PCGF5: variants seen among roughly 807,000 people sequenced by gnomAD.
PCGF5 encodes polycomb group RING finger protein 5.
In PCGF5, 9 loss-of-function variants were observed where a neutral mutation model predicts 44.3. The observed-to-expected ratio is 0.20, with a 90% confidence interval of 0.12 to 0.35. The LOEUF is 0.35. PCGF5 is among the 10% of genes least tolerant of loss of function. The pLI, the probability that PCGF5 is intolerant of heterozygous loss-of-function variation, is 1.00. For synonymous variants in PCGF5, 95 were observed against 102.5 expected (o/e 0.93, Z 0.44); for missense variants, 146 against 305.3 (o/e 0.48, Z 3.89).
rs1022709226 is a variant in PCGF5, at chr10:91,279,067, G to A, written c.*751G>A. On this transcript the variant is annotated 3_prime_UTR_variant, in exon 10 of 10. Coordinates refer to ENST00000336126, the MANE Select transcript of PCGF5 (RefSeq NM_032373.5). ...CTGATCACATTTACTTCTGATAAAA[G>A]TAATGTGTAAGTAAGGTTAATCTTC... 7.9e-5 allele frequency: 12 copies of A among 152,484 alleles called. No homozygotes were observed. Among genetic ancestry groups the A allele is most frequent in the South Asian group, 4.1e-4 (2 of 4,832 alleles). 9.4% of individuals were successfully genotyped at this position (152,484 alleles called of 1,614,324 possible).
chr10:91,250,626 G>A (rs2450444), intron 5 of PCGF5, among the ~76,000 whole-genome samples: 62,189 of 150,844 alleles, frequency 0.41, 14,668 homozygotes, highest in African/African-American at 0.64. Context: ...CATATAGTTA[G>A]AACTACTCAA....
chr10:91,237,208 G>T (rs1050058287), intron 2 of PCGF5, among the ~76,000 whole-genome samples: 9 of 152,124 alleles, frequency 5.9e-5, no homozygotes, highest in Admixed American at 2.6e-4. Flanking sequence ...AATATATGTT[G>T]ATTAGGACAT....
At chr10:91,165,425 C>T (rs1843481944) in intron 1 of PCGF5, among the ~76,000 whole-genome samples, 1 of 152,174 alleles carries the variant, frequency 6.6e-6, no homozygotes, top group East Asian at 1.9e-4. Flanking sequence ...TATCTTCCCT[C>T]CCCACTGCCT....
At chr10:91,236,255 G>A (rs947109281) in intron 2 of PCGF5, among the ~76,000 whole-genome samples, 2 of 152,174 alleles carry the variant, frequency 1.3e-5, no homozygotes, top group African/African-American at 4.8e-5. Flanking sequence ...GCTGTGAGCA[G>A]CCTAGTCAGG....
chr10:91,248,849 AT>A, intron 5 of PCGF5, 125 bp downstream of exon 5: 1 of 778,738 alleles, frequency 1.3e-6, no homozygotes, highest in Non-Finnish European at 2.1e-6. Context: ...GCACCCTTTT[AT>A]TTACATTACG....
At chr10:91,226,406 G>A (rs1418161079) in intron 2 of PCGF5, among the ~76,000 whole-genome samples, 1 of 151,660 alleles carries the variant, frequency 6.6e-6, no homozygotes, top group African/African-American at 2.4e-5. Context: ...GAAGAAACTC[G>A]TGTTTTGTGA....
Position 91,251,288 on chromosome 10 carries a change from A to G in PCGF5, c.326-4A>G, listed in dbSNP as rs1021120672. On this transcript the variant is annotated splice_polypyrimidine_tract_variant and splice_region_variant and intron_variant, in intron 5 of 9. Transcript: ENST00000336126. ...GCTAACTTAGTTTTGTTTAAATTAT[A>G]CAGATGATACTTCAAAAGCTGACAA... 2.5e-6 allele frequency: 4 copies of G among 1,600,970 alleles called. No homozygotes were observed. In the African/African-American group the frequency reaches 4.0e-5, roughly 16 times the overall value.
chr10:91,234,492 G>C (rs893311285), intron 2 of PCGF5, among the ~76,000 whole-genome samples: 1 of 152,154 alleles, frequency 6.6e-6, no homozygotes, highest in Non-Finnish European at 1.5e-5. Flanking sequence ...ACTATCACTA[G>C]GGTAGAAATG....
intron 8 of PCGF5, among the ~76,000 whole-genome samples, chr10:91,270,691 A>G (rs1033883636): frequency 6.6e-6 from 1 of 152,224 alleles, no homozygotes; most frequent in African/African-American, 2.4e-5. Context: ...GCTTATTTAA[A>G]TCTTTCAAAG....
intron 1 of PCGF5, among the ~76,000 whole-genome samples, chr10:91,199,812 G>C (rs1042421956): frequency 6.6e-5 from 10 of 152,220 alleles, no homozygotes; most frequent in African/African-American, 2.4e-4. Flanking sequence ...ATAAATTTTA[G>C]TGTGGTTTCC....
chr10:91,218,585 T>C (rs1370459091), upstream of PCGF5, among the ~76,000 whole-genome samples: 1 of 152,154 alleles, frequency 6.6e-6, no homozygotes, highest in African/African-American at 2.4e-5. Flanking sequence ...CACAGGAAAG[T>C]TGCCATTTCA....
chr10:91,222,133 A>G (rs1046504892), intron 1 of PCGF5, among the ~76,000 whole-genome samples: 5 of 151,586 alleles, frequency 3.3e-5, no homozygotes, highest in Non-Finnish European at 5.9e-5. Context: ...AAGAGAAGAC[A>G]CTGACATTCG....
At chr10:91,185,661 T>C (rs1224616997) in intron 1 of PCGF5, among the ~76,000 whole-genome samples, 1 of 152,208 alleles carries the variant, frequency 6.6e-6, no homozygotes, top group African/African-American at 2.4e-5. Flanking sequence ...CCTGAGTGGC[T>C]GCTCTGCCAA....
chr10:91,185,053 T>C (rs1843894071), intron 1 of PCGF5, among the ~76,000 whole-genome samples: 1 of 152,232 alleles, frequency 6.6e-6, no homozygotes, highest in Non-Finnish European at 1.5e-5. Flanking sequence ...TGTACTGTGC[T>C]AGGGGTACCC....
At chr10:91,278,205 A>G (rs2133475221) in intron 9 of PCGF5, 64 bp from the exon 10 acceptor site, 2 of 1,320,092 alleles carry the variant, frequency 1.5e-6, no homozygotes, top group Non-Finnish European at 1.1e-6. Flanking sequence ...AAAATCTTTC[A>G]TATATAAACT....
At position 91,248,650 on chromosome 10, in the gene PCGF5, T is replaced by C. The variant is rs770176763; in HGVS notation, c.266-15T>C. On this transcript the variant is annotated splice_polypyrimidine_tract_variant and intron_variant, in intron 4 of 9. Transcript: ENST00000336126. ...TTTCATGACTTTTACTTTTATACTC[T>C]TTCTTTTAAATTAGAAGAACTTGAG... 1 of 1,603,294 alleles carries C rather than the reference T, an allele frequency of 6.2e-7. No individual in the cohort carries two copies. The highest frequency in any genetic ancestry group is 8.5e-7 in the Non-Finnish European group (1 of 1,172,630).
intron 2 of PCGF5, among the ~76,000 whole-genome samples, chr10:91,233,335 T>C (rs1370075358): frequency 6.6e-6 from 1 of 152,124 alleles, no homozygotes; most frequent in Non-Finnish European, 1.5e-5. Context: ...CCCCAGACCA[T>C]GCTTAAACCC....
intron 2 of PCGF5, among the ~76,000 whole-genome samples, chr10:91,228,661 A>G (rs1325402431): frequency 6.6e-6 from 1 of 152,210 alleles, no homozygotes; most frequent in African/African-American, 2.4e-5. Flanking sequence ...CCAACCATTT[A>G]TTGTTTTTGA....
At chr10:91,210,325 C>T (rs1367725653) in intron 1 of PCGF5, among the ~76,000 whole-genome samples, 1 of 152,156 alleles carries the variant, frequency 6.6e-6, no homozygotes, top group East Asian at 1.9e-4. Context: ...ATTTTATTCC[C>T]CATCTCTCAA....
Sources: gnomAD v4.1 joint callset for allele counts (sites outside exome capture counted in the v4.1 genomes callset) on GRCh38, gnomAD v4.1.1 for gene constraint, MANE v1.5 for transcripts, NCBI Gene and HGNC (gene_info 2026-07-23, HGNC 2026-07-21) for gene names.